Variants in GABRA3 observed in about 807,000 individuals in gnomAD.
GABRA3 encodes the protein gamma-aminobutyric acid type A receptor subunit alpha3, also known as gamma-aminobutyric acid receptor subunit alpha-3.
GABRA3 carries 10 observed loss-of-function variants against 30.1 expected under a neutral mutation model. The observed-to-expected ratio is 0.33, with a 90% CI of 0.20 to 0.56. The LOEUF (loss-of-function observed/expected upper bound fraction) is 0.56, where lower values mean the gene tolerates loss of function less well. Ranked by LOEUF, GABRA3 falls within the 20% of genes least tolerant of loss-of-function variation. GABRA3 has a pLI of 0.89. For synonymous variants in GABRA3, 151 were observed against 146.8 expected (o/e 1.03, Z -0.21); for missense variants, 233 against 392.0 (o/e 0.59, Z 3.42).
intron 3 of GABRA3, among the ~76,000 whole-genome samples, chrX:152,337,847 A>G (rs1940256852): frequency 9.0e-6 from 1 of 111,355 alleles, no homozygotes; most frequent in African/African-American, 3.3e-5. Context: ...AACAACAAAT[A>G]AAAACAGAAA....
intron 3 of GABRA3, among the ~76,000 whole-genome samples, chrX:152,285,234 G>A (rs771640082): frequency 1.8e-5 from 2 of 112,163 alleles, no homozygotes; most frequent in East Asian, 5.7e-4. Context: ...CATGATGATC[G>A]TAAAAACACA....
chrX:152,238,855 T>C (rs1266422790), intron 5 of GABRA3, among the ~76,000 whole-genome samples: 14 of 110,594 alleles, frequency 1.3e-4, no homozygotes, highest in African/African-American at 4.6e-4. Context: ...TTTATCATTT[T>C]TTATTGTGTC....
chrX:152,254,132 A>C (rs1223677244), intron 5 of GABRA3, among the ~76,000 whole-genome samples: 2 of 111,710 alleles, frequency 1.8e-5, no homozygotes, highest in Non-Finnish European at 3.8e-5. Context: ...CTTTAGGGTC[A>C]TGTATATATT....
chrX:152,393,505 G>C (rs1929551639), intron 1 of GABRA3: 1 of 373,189 alleles, frequency 2.7e-6, no homozygotes, highest in Non-Finnish European at 5.3e-6. Flanking sequence ...CATGGTGCAT[G>C]AGCAAAAACC....
At chrX:152,299,434 G>A (rs966698975) in intron 3 of GABRA3, among the ~76,000 whole-genome samples, 5 of 110,521 alleles carry the variant, frequency 4.5e-5, no homozygotes, top group Admixed American at 1.9e-4. Flanking sequence ...TGGGATAAGC[G>A]GGGAAGCAGG....
At chrX:152,345,107 T>C (rs1293770759) in intron 3 of GABRA3, among the ~76,000 whole-genome samples, 1 of 111,390 alleles carries the variant, frequency 9.0e-6, no homozygotes, top group Admixed American at 9.6e-5. Flanking sequence ...AACAAAGGCA[T>C]GTTTCTCAGC....
intron 1 of GABRA3, among the ~76,000 whole-genome samples, chrX:152,425,560 G>A (rs1217708365): frequency 9.0e-6 from 1 of 111,633 alleles, no homozygotes; most frequent in African/African-American, 3.3e-5. Context: ...GAGTTTGCCT[G>A]ACGTTTTCTC....
intron 5 of GABRA3, among the ~76,000 whole-genome samples, chrX:152,248,419 C>A (rs1325953382): frequency 1.8e-5 from 2 of 111,052 alleles, no homozygotes; most frequent in South Asian, 3.7e-4. Context: ...TGACTTAATA[C>A]AAATAAGCAC....
At chrX:152,386,996 AG>A (rs1929337174) in intron 1 of GABRA3, among the ~76,000 whole-genome samples, 2 of 107,030 alleles carry the variant, frequency 1.9e-5, no homozygotes, top group Admixed American at 2.0e-4. Flanking sequence ...TGTCCTTTGT[AG>A]GGACATGGAT....
intron 9 of GABRA3, among the ~76,000 whole-genome samples, chrX:152,175,339 G>C (rs889075456): frequency 2.7e-5 from 3 of 109,984 alleles, no homozygotes; most frequent in African/African-American, 9.9e-5. Context: ...CAGTGATACA[G>C]TGTGGGACCT....
chrX:152,212,465 T>A (rs1937643697), intron 6 of GABRA3, among the ~76,000 whole-genome samples: 1 of 110,375 alleles, frequency 9.1e-6, no homozygotes, highest in Non-Finnish European at 1.9e-5. Context: ...TGTACATACA[T>A]GTGTGTACAC....
intron 5 of GABRA3, among the ~76,000 whole-genome samples, chrX:152,236,689 A>G (rs1245405095): frequency 9.4e-6 from 1 of 106,449 alleles, no homozygotes; most frequent in Non-Finnish European, 1.9e-5. Flanking sequence ...TTGCCATTCT[A>G]ACTGGTGTGA....
intron 6 of GABRA3, among the ~76,000 whole-genome samples, chrX:152,212,451 CGTGTGTACATACAT>C (rs1273593978): frequency 2.7e-5 from 3 of 109,792 alleles, no homozygotes; most frequent in East Asian, 5.8e-4. Flanking sequence ...GGAATACGCA[CGTGTGTACATACAT>C]GTGTGTACAC....
intron 5 of GABRA3, chrX:152,250,652 G>C (rs1453003627): frequency 1.8e-5 from 2 of 111,070 alleles, no homozygotes; most frequent in Non-Finnish European, 3.8e-5. Flanking sequence ...TCCAATTTTA[G>C]TATGTGTGCT....
chrX:152,316,243 A>T (rs922967804), intron 3 of GABRA3, among the ~76,000 whole-genome samples: 2 of 110,316 alleles, frequency 1.8e-5, no homozygotes, highest in Admixed American at 1.9e-4. Flanking sequence ...GAACAGAAAA[A>T]GCAGAAGAAA....
intron 3 of GABRA3, among the ~76,000 whole-genome samples, chrX:152,345,152 T>C (rs1940371825): frequency 9.0e-6 from 1 of 111,258 alleles, no homozygotes; most frequent in Non-Finnish European, 1.9e-5. Flanking sequence ...CAGGCAGGTA[T>C]TGGTATTCTG....
intron 3 of GABRA3, among the ~76,000 whole-genome samples, chrX:152,331,115 G>C (rs1426900664): frequency 5.7e-5 from 6 of 106,070 alleles, no homozygotes; most frequent in Admixed American, 4.2e-4. Flanking sequence ...AAGGACACTT[G>C]AAGACACTAA....
chrX:152,313,803 T>C (rs1939832133), intron 3 of GABRA3, among the ~76,000 whole-genome samples: 1 of 111,770 alleles, frequency 8.9e-6, no homozygotes, highest in South Asian at 3.8e-4. Context: ...GTGCAGGCTG[T>C]CTTTATGGTG....
At chrX:152,321,062 A>T (rs985442368) in intron 3 of GABRA3, among the ~76,000 whole-genome samples, 4 of 112,387 alleles carry the variant, frequency 3.6e-5, no homozygotes, top group Non-Finnish European at 7.5e-5. Flanking sequence ...TTATTTTTAT[A>T]TGTTCCAGAA....
Sources: allele counts gnomAD v4.1 joint callset (sites outside exome capture counted in the v4.1 genomes callset), GRCh38; gene constraint gnomAD v4.1.1; transcripts MANE v1.5; gene names NCBI Gene and HGNC (gene_info 2026-07-23, HGNC 2026-07-21).